Variants in TSPAN1 observed in about 807,000 individuals in gnomAD.
TSPAN1 encodes the protein tetraspanin 1, also known as tetraspanin-1.
In TSPAN1, 23 loss-of-function variants were observed where a neutral mutation model predicts 26.9. That is an observed-to-expected ratio of 0.85 (90% CI 0.62 to 1.21). The LOEUF (loss-of-function observed/expected upper bound fraction) is 1.21. TSPAN1 is among the 50% of genes most tolerant of loss of function. TSPAN1 has a pLI of 0.00. For missense variants in TSPAN1, 283 were observed against 298.4 expected (o/e 0.95, Z 0.38); for synonymous variants, 115 against 114.8 (o/e 1.00, Z -0.01).
At chr1:46,193,648 C>T in the TSPAN1 span, 1 of 1,614,134 alleles carries the variant, frequency 6.2e-7, no homozygotes, top group African/African-American at 1.3e-5. Context: ...TCCTGGGGAG[C>T]CCAGGGATAG....
intron 4 of TSPAN1, 65 bp downstream of exon 4, chr1:46,184,462 G>A (rs1309173873): frequency 3.1e-6 from 5 of 1,610,822 alleles, no homozygotes; most frequent in Non-Finnish European, 4.2e-6. Flanking sequence ...ACCAGGCCCT[G>A]GGATTCCCAA....
chr1:46,189,220 C>G, downstream of TSPAN1: 1 of 1,576,702 alleles, frequency 6.3e-7, no homozygotes, highest in Non-Finnish European at 8.6e-7. Context: ...GAAGGGCTAG[C>G]CAGCCTGGGG....
chr1:46,188,108 G>A (rs1419771650), downstream of TSPAN1, among the ~76,000 whole-genome samples: 1 of 151,972 alleles, frequency 6.6e-6, no homozygotes, highest in Non-Finnish European at 1.5e-5. Context: ...AACCTCTTTG[G>A]GTTACTGGCT....
At chr1:46,187,724 C>A (rs1305117185), downstream of TSPAN1, among the ~76,000 whole-genome samples, 1 of 152,236 alleles carries the variant, frequency 6.6e-6, no homozygotes, top group Non-Finnish European at 1.5e-5. Context: ...TCATCATGGG[C>A]TAATTGCTGC....
the TSPAN1 span, chr1:46,193,446 C>T: frequency 6.2e-7 from 1 of 1,605,430 alleles, no homozygotes; most frequent in Non-Finnish European, 8.5e-7. Flanking sequence ...CCCACCTCTG[C>T]AATCCAAGGC....
chr1:46,178,288 C>T (rs1411110619), intron 1 of TSPAN1, among the ~76,000 whole-genome samples: 3 of 151,010 alleles, frequency 2.0e-5, no homozygotes, highest in Non-Finnish European at 2.9e-5. Flanking sequence ...AACTGGGAGG[C>T]GGAGGTTGCA....
At chr1:46,193,959 T>G in the TSPAN1 span, 1 of 1,612,282 alleles carries the variant, frequency 6.2e-7, no homozygotes, top group Admixed American at 1.7e-5. Flanking sequence ...TCTTGCCTTA[T>G]TCCCCCTTCA....
Position 46,185,134 on chromosome 1 carries a change from G to A in TSPAN1, c.594+19G>A, listed in dbSNP as rs1158304439. ...AGTAGAGGTGTGGGCTGGCATGAGT[G>A]GGTGGGGACTGTTTTCATGGCCTCA... is the stretch of plus-strand genomic sequence containing the variant. On this transcript the variant is annotated intron_variant, in intron 7 of 8. Coordinates refer to ENST00000372003, the MANE Select transcript of TSPAN1 (RefSeq NM_005727.4). The A allele has an allele frequency of 1.9e-6, 3 of 1,614,100 alleles. No individual in the cohort carries two copies. The highest frequency in any genetic ancestry group is 2.5e-6 in the Non-Finnish European group (3 of 1,180,036).
the TSPAN1 span, chr1:46,191,558 G>A: frequency 4.9e-6 from 1 of 203,106 alleles, no homozygotes; most frequent in South Asian, 8.8e-5. Context: ...CCTTATATAT[G>A]TTTATAATTC....
downstream of TSPAN1, chr1:46,190,798 G>A: frequency 1.2e-6 from 2 of 1,605,980 alleles, no homozygotes; most frequent in Non-Finnish European, 1.7e-6. Flanking sequence ...GAGTGGGTAT[G>A]AGAGTGAAAA....
chr1:46,184,931 C>T, intron 6 of TSPAN1, 29 bp from the exon 7 acceptor site: 1 of 1,614,064 alleles, frequency 6.2e-7, no homozygotes. Context: ...AGAAGCAAGG[C>T]CCCACCTCCA....
the TSPAN1 span, chr1:46,194,724 T>C: frequency 1.2e-6 from 2 of 1,614,102 alleles, no homozygotes; most frequent in Non-Finnish European, 1.7e-6. Context: ...TCTCCCTGCC[T>C]ACTTTCATCC....
At chr1:46,183,791 C>T in intron 3 of TSPAN1, 1 of 274,470 alleles carries the variant, frequency 3.6e-6, no homozygotes, top group South Asian at 4.3e-5. Context: ...GCTACCACCC[C>T]CGTCTCCACC....
intron 1 of TSPAN1, among the ~76,000 whole-genome samples, chr1:46,179,522 A>G (rs1038416345): frequency 6.6e-6 from 1 of 152,178 alleles, no homozygotes; most frequent in Non-Finnish European, 1.5e-5. Context: ...AAAAGTCCCC[A>G]GGGTCACACA....
the TSPAN1 span, chr1:46,196,100 T>A: frequency 1.2e-6 from 2 of 1,613,756 alleles, no homozygotes; most frequent in Non-Finnish European, 1.7e-6. The surrounding 1 kb of genome is among the most constrained non-coding windows in gnomAD (Gnocchi z 4.4). Context: ...AGAGACAAAG[T>A]CCAGCTTTTC....
chr1:46,193,766 T>C, the TSPAN1 span: 3 of 1,598,272 alleles, frequency 1.9e-6, no homozygotes, highest in Non-Finnish European at 2.6e-6. Flanking sequence ...ATCTATTGCC[T>C]TTCTGCCCAC....
At chr1:46,193,400 G>A in the TSPAN1 span, 1 of 1,610,276 alleles carries the variant, frequency 6.2e-7, no homozygotes, top group Non-Finnish European at 8.5e-7. Flanking sequence ...TGGGGGACAT[G>A]GCCACTGCTC....
intron 1 of TSPAN1, 41 bp downstream of exon 1, chr1:46,175,450 GTC>G (rs1657107992): frequency 2.5e-6 from 1 of 396,006 alleles, no homozygotes; most frequent in Non-Finnish European, 4.4e-6. Flanking sequence ...GCCCTGCATA[GTC>G]AGCTGGTTAA....
At chr1:46,192,207 A>G in the TSPAN1 span, 1 of 1,614,076 alleles carries the variant, frequency 6.2e-7, no homozygotes, top group African/African-American at 1.3e-5. Flanking sequence ...CCGCATCCAC[A>G]TGTCCCAATC....
Sources: gnomAD v4.1 joint callset for allele counts (sites outside exome capture counted in the v4.1 genomes callset) on GRCh38, gnomAD v4.1.1 for gene constraint, Gnocchi (gnomAD v3.1) non-coding constraint, MANE v1.5 for transcripts, NCBI Gene and HGNC (gene_info 2026-07-23, HGNC 2026-07-21) for gene names.